Variants in DTNA observed in about 807,000 individuals in gnomAD.
DTNA encodes dystrophin-related protein 3.
DTNA carries 43 observed loss-of-function variants against 100.7 expected under a neutral mutation model. The ratio of observed to expected loss-of-function variants is 0.43; its 90% CI spans 0.33 to 0.55. The LOEUF is 0.55. Ranked by LOEUF, DTNA falls within the 20% of genes least tolerant of loss-of-function variation. The probability of loss-of-function intolerance (pLI) is 0.04; values close to 1 mark genes in which losing one functional copy is unlikely to be tolerated. For missense variants in DTNA, 798 were observed against 953.9 expected (o/e 0.84, Z 2.15); for synonymous variants, 349 against 347.9 (o/e 1.00, Z -0.04).
At chr18:34,828,477 C>A (rs981318801) in intron 10 of DTNA, among the ~76,000 whole-genome samples, 3 of 152,170 alleles carry the variant, frequency 2.0e-5, no homozygotes, top group African/African-American at 7.2e-5. Context: ...AGTACAGCCT[C>A]ATATTTCACA....
chr18:34,563,311 T>C (rs2046803356), intron 1 of DTNA, among the ~76,000 whole-genome samples: 1 of 152,218 alleles, frequency 6.6e-6, no homozygotes, highest in African/African-American at 2.4e-5. Context: ...CAAGGATTGC[T>C]GCCATCCACC....
At chr18:34,537,452 A>G (rs1009328084) in intron 1 of DTNA, among the ~76,000 whole-genome samples, 2 of 152,004 alleles carry the variant, frequency 1.3e-5, no homozygotes, top group African/African-American at 4.8e-5. Flanking sequence ...ATTGTATTGT[A>G]TTAAGGAAAT....
At chr18:34,749,669 AT>A (rs1262347971) in intron 1 of DTNA, among the ~76,000 whole-genome samples, 12 of 67,718 alleles carry the variant, frequency 1.8e-4, no homozygotes, top group South Asian at 8.7e-4. Context: ...AATAATAATA[AT>A]AATAATAACA....
At chr18:34,552,297 CA>C (rs1442774815) in intron 1 of DTNA, among the ~76,000 whole-genome samples, 1 of 151,458 alleles carries the variant, frequency 6.6e-6, no homozygotes, top group African/African-American at 2.4e-5. Flanking sequence ...TAAAGAAATA[CA>C]AAAAAAGCCC....
At chr18:34,852,180 G>A (rs2096489538) in intron 15 of DTNA, among the ~76,000 whole-genome samples, 1 of 152,236 alleles carries the variant, frequency 6.6e-6, no homozygotes, top group South Asian at 2.1e-4. Context: ...TGCCCCTCTA[G>A]ACGGTCTCAC....
chr18:34,755,695 G>T, intron 1 of DTNA: 1 of 388,236 alleles, frequency 2.6e-6, no homozygotes, highest in Non-Finnish European at 4.8e-6. Context: ...GTAGATTGTT[G>T]TATTTAGTTA....
chr18:34,874,321 A>C (rs1262755368), intron 17 of DTNA, among the ~76,000 whole-genome samples: 2 of 152,182 alleles, frequency 1.3e-5, no homozygotes, highest in African/African-American at 4.8e-5. Flanking sequence ...TTGTGTATGC[A>C]CTCAAGGGTC....
intron 13 of DTNA, among the ~76,000 whole-genome samples, chr18:34,845,278 C>T (rs1047741335): frequency 2.6e-5 from 4 of 152,112 alleles, no homozygotes; most frequent in African/African-American, 9.7e-5. Flanking sequence ...CACAGGCCCT[C>T]ATTCACTCAG....
At chr18:34,577,779 A>G (rs1035347170) in intron 1 of DTNA, among the ~76,000 whole-genome samples, 1 of 151,906 alleles carries the variant, frequency 6.6e-6, no homozygotes, top group Non-Finnish European at 1.5e-5. Context: ...TTCCTTTTTA[A>G]GGCTGAGTAG....
At chr18:34,707,802 G>A (rs1485722294), upstream of DTNA, among the ~76,000 whole-genome samples, 3 of 152,164 alleles carry the variant, frequency 2.0e-5, no homozygotes, top group Non-Finnish European at 4.4e-5. Flanking sequence ...TTTTGAAGAG[G>A]ATTAGGGAGT....
At chr18:34,825,982 G>A (rs2095850457) in intron 9 of DTNA, among the ~76,000 whole-genome samples, 1 of 152,160 alleles carries the variant, frequency 6.6e-6, no homozygotes, top group Non-Finnish European at 1.5e-5. Context: ...CAAAGTGCTA[G>A]TGTTCAACTC....
At chr18:34,863,848 C>A in intron 16 of DTNA, 118 bp from the exon 17 acceptor site, 3 of 943,200 alleles carry the variant, frequency 3.2e-6, no homozygotes, top group Non-Finnish European at 5.0e-6. Flanking sequence ...TGCCTGGTAA[C>A]CTTGTCAGAG....
At chr18:34,803,412 A>C (rs1289263722) in intron 4 of DTNA, among the ~76,000 whole-genome samples, 2 of 151,992 alleles carry the variant, frequency 1.3e-5, no homozygotes, top group Non-Finnish European at 2.9e-5. Flanking sequence ...TCTTCATTAA[A>C]AGCTGAGGTC....
chr18:34,519,271 A>G (rs2041948690), intron 1 of DTNA, among the ~76,000 whole-genome samples: 1 of 152,150 alleles, frequency 6.6e-6, no homozygotes, highest in Non-Finnish European at 1.5e-5. Context: ...GAAAATCACC[A>G]GAAATCACTT....
At chr18:34,834,458 G>A (rs954022053) in intron 11 of DTNA, among the ~76,000 whole-genome samples, 13 of 151,784 alleles carry the variant, frequency 8.6e-5, no homozygotes, top group Admixed American at 2.6e-4. Context: ...AGCCAAGATC[G>A]CACCATTGCA....
At chr18:34,557,995 A>C (rs2046266685) in intron 1 of DTNA, 1 of 152,748 alleles carries the variant, frequency 6.5e-6, no homozygotes, top group African/African-American at 2.4e-5. Context: ...GTTTGATCTC[A>C]GACTGCTGTG....
chr18:34,658,848 T>C (rs1276691209), intron 1 of DTNA, among the ~76,000 whole-genome samples: 1 of 152,242 alleles, frequency 6.6e-6, no homozygotes, highest in Admixed American at 6.5e-5. Context: ...TCTTGGACAG[T>C]GCCCTTTCTT....
chr18:34,551,453 A>G (rs2045404766), intron 1 of DTNA, among the ~76,000 whole-genome samples: 1 of 152,150 alleles, frequency 6.6e-6, no homozygotes, highest in South Asian at 2.1e-4. Flanking sequence ...AGCAGCCAGA[A>G]AGGCTTTTTG....
intron 22 of DTNA, among the ~76,000 whole-genome samples, chr18:34,887,549 A>C (rs992748847): frequency 6.6e-6 from 1 of 152,166 alleles, no homozygotes; most frequent in African/African-American, 2.4e-5. Flanking sequence ...ATCCACATGG[A>C]GGACTTCCTG....
Sources: gnomAD v4.1 joint callset for allele counts (sites outside exome capture counted in the v4.1 genomes callset) on GRCh38, gnomAD v4.1.1 for gene constraint, MANE v1.5 for transcripts, NCBI Gene and HGNC (gene_info 2026-07-23, HGNC 2026-07-21) for gene names.